Variants in SDHB observed in about 807,000 individuals in gnomAD.
SDHB encodes the protein succinate dehydrogenase complex iron sulfur subunit B.
In SDHB, 21 loss-of-function variants were observed where a neutral mutation model predicts 39.7. The observed-to-expected ratio is 0.53, with a 90% CI of 0.37 to 0.76. SDHB has a LOEUF of 0.76. Among genes scored for constraint, SDHB ranks in the 30% least tolerant of loss-of-function variants. SDHB has a pLI of 0.00. For synonymous variants in SDHB, 118 were observed against 117.0 expected (o/e 1.01, Z -0.06); for missense variants, 343 against 350.9 (o/e 0.98, Z 0.18).
At position 17,046,017 on chromosome 1, in the gene SDHB, GA is replaced by G. The variant is rs2078108822; in HGVS notation, c.73-1130del. Among the ~76,000 whole-genome samples the G allele has an allele frequency of 2.0e-5, 3 of 152,144 alleles. No individual in the cohort carries two copies. The South Asian group carries it at 6.2e-4, about 31-fold the overall frequency. The stretch of plus-strand genomic sequence containing the variant: ...TTTTGTTCAACATGCTAAAAACCTT[GA>G]CGACTTGTGGTCAAGACCGTCTACC... On this transcript the variant is annotated intron_variant, in intron 1 of 7. Transcript: ENST00000375499.
chr1:17,023,851 C>A (rs1394613871), intron 6 of SDHB, 122 bp downstream of exon 6: 1 of 744,600 alleles, frequency 1.3e-6, no homozygotes, highest in Admixed American at 2.0e-5. Context: ...CCTGTTTGGA[C>A]TGGATGGCAA....
At chr1:17,023,370 T>C (rs1311604463) in intron 6 of SDHB, among the ~76,000 whole-genome samples, 2 of 152,230 alleles carry the variant, frequency 1.3e-5, no homozygotes, top group African/African-American at 4.8e-5. Context: ...ATATTGCTCA[T>C]GTGGTCACAC....
chr1:17,038,095 T>C (rs757183531), intron 2 of SDHB, among the ~76,000 whole-genome samples: 4 of 151,594 alleles, frequency 2.6e-5, no homozygotes, highest in Non-Finnish European at 4.4e-5. Flanking sequence ...GCCAAGATTG[T>C]GCCATTGCAC....
intron 7 of SDHB, among the ~76,000 whole-genome samples, chr1:17,022,393 A>G (rs1331177264): frequency 6.6e-6 from 1 of 152,194 alleles, no homozygotes; most frequent in South Asian, 2.1e-4. Flanking sequence ...TAGCCTACAA[A>G]TAAAGCCTGC....
In SDHB at chr1:17,027,878, G is replaced by GGAAGAAGAA. The variant is rs34261028; in HGVS notation, c.424-22_424-14dup. 2.2e-5 allele frequency: 30 copies of GGAAGAAGAA among 1,378,042 alleles called. No homozygotes were observed. Among genetic ancestry groups the GGAAGAAGAA allele is most frequent in the African/African-American group, 2.1e-4 (15 of 70,290 alleles). The allele number at this position is 1,378,042 out of a possible 1,614,324, so 85.4% of individuals were successfully genotyped here. Reference sequence around the variant, plus strand: ...AGTTGCTCAAATCCTGTGGTTAAGAGGAAGAAGAAGAAGAAGAAGAAGAAA... The same window carrying GGAAGAAGAA: ...AGTTGCTCAAATCCTGTGGTTAAGAGGAAGAAGAAGAAGAAGAAGAAGAAGAAGAAGAAA... On this transcript the variant is annotated splice_polypyrimidine_tract_variant and intron_variant, in intron 4 of 7. Coordinates refer to ENST00000375499, the MANE Select transcript of SDHB (RefSeq NM_003000.3).
At chr1:17,046,559 T>A (rs2078111205) in intron 1 of SDHB, among the ~76,000 whole-genome samples, 1 of 152,152 alleles carries the variant, frequency 6.6e-6, no homozygotes, top group Non-Finnish European at 1.5e-5. Context: ...ACTGATCAGC[T>A]ATCATCACGA....
intron 1 of SDHB, among the ~76,000 whole-genome samples, chr1:17,047,696 A>AG (rs1487343747): frequency 1.4e-4 from 21 of 151,410 alleles, no homozygotes; most frequent in East Asian, 3.9e-4. Context: ...AAAAAAAAAA[A>AG]AGAGAGAGAG....
intron 1 of SDHB, among the ~76,000 whole-genome samples, chr1:17,046,207 A>G (rs2078109612): frequency 6.6e-6 from 1 of 152,222 alleles, no homozygotes; most frequent in Admixed American, 6.5e-5. Context: ...ACAAAAGGAA[A>G]GCCATTTCTA....
At chr1:17,024,689 T>C (rs565000173) in intron 5 of SDHB, among the ~76,000 whole-genome samples, 28 of 152,332 alleles carry the variant, frequency 1.8e-4, no homozygotes, top group Admixed American at 5.9e-4. Context: ...CGTGCCACTA[T>C]AGGCAGCAGA....
At chr1:17,037,405 GA>G (rs2101533716) in intron 2 of SDHB, among the ~76,000 whole-genome samples, 1 of 151,056 alleles carries the variant, frequency 6.6e-6, no homozygotes, top group East Asian at 2.0e-4. Context: ...GGGTTCAAGT[GA>G]TCCTCCCACC....
intron 2 of SDHB, among the ~76,000 whole-genome samples, chr1:17,043,291 A>G (rs556301188): frequency 2.0e-5 from 3 of 151,928 alleles, no homozygotes; most frequent in Non-Finnish European, 4.4e-5. Context: ...GTTTAGTTTT[A>G]TTGTATTTCG....
chr1:17,027,593 G>T (rs953891055), intron 5 of SDHB, 156 bp downstream of exon 5: 4 of 688,230 alleles, frequency 5.8e-6, no homozygotes, highest in Non-Finnish European at 1.1e-5. Flanking sequence ...CTACTCACCC[G>T]GCCCTAAGAG....
chr1:17,044,962 C>T, intron 1 of SDHB, 74 bp from the exon 2 acceptor site: 2 of 1,323,816 alleles, frequency 1.5e-6, no homozygotes, highest in South Asian at 1.2e-5. Flanking sequence ...GCTGGCACAA[C>T]AGATGTAACG....
intron 5 of SDHB, among the ~76,000 whole-genome samples, chr1:17,025,769 C>CA (rs1474245269): frequency 6.6e-6 from 1 of 151,928 alleles, no homozygotes; most frequent in Non-Finnish European, 1.5e-5. Context: ...TTAAGGAAGC[C>CA]AAAAAATGTT....
At chr1:17,051,631 C>T (rs1359300989) in intron 1 of SDHB, among the ~76,000 whole-genome samples, 1 of 147,156 alleles carries the variant, frequency 6.8e-6, no homozygotes, top group Non-Finnish European at 1.5e-5. Context: ...ATTAGCTTTT[C>T]GGATTCTATT....
intron 5 of SDHB, 62 bp downstream of exon 5, chr1:17,027,687 C>A: frequency 9.6e-7 from 1 of 1,039,204 alleles, no homozygotes; most frequent in Non-Finnish European, 1.5e-6. Flanking sequence ...CCAAGCCACA[C>A]TCCTGGCAAT....
Position 17,024,041 on chromosome 1 carries a change from A to G in SDHB, c.574T>C (p.Cys192Arg), listed in dbSNP as rs786202732. The change falls in exon 6 of 8, where the codon TGT (cysteine) becomes CGT (arginine). Residue 192 changes from cysteine to arginine, a missense_variant. By Grantham distance (180) the Cys-to-Arg change is radical (BLOSUM62 -3). Transcript: ENST00000375499. Reference protein sequence around the residue: ...GLYECILCACCSTSCPSYWWN... With the variant: ...GLYECILCACRSTSCPSYWWN... Reference sequence around the variant, plus strand: ...CAGTAGCTGGGGCAGCTGGTGCTACAGCAGGCACAGAGAATGCACTCGTAG... The same window carrying G: ...CAGTAGCTGGGGCAGCTGGTGCTACGGCAGGCACAGAGAATGCACTCGTAG... 2 of 1,614,028 alleles carry G rather than the reference A, an allele frequency of 1.2e-6. No homozygotes were observed. Among genetic ancestry groups the G allele is most frequent in the Non-Finnish European group, 1.7e-6 (2 of 1,180,026 alleles).
At chr1:17,025,434 G>A (rs1261008853) in intron 5 of SDHB, among the ~76,000 whole-genome samples, 2 of 149,874 alleles carry the variant, frequency 1.3e-5, no homozygotes, top group Admixed American at 1.3e-4. Flanking sequence ...TTTTGAGACA[G>A]GGTCTTGCTG....
intron 1 of SDHB, among the ~76,000 whole-genome samples, chr1:17,047,429 C>G (rs2078118179): frequency 6.6e-6 from 1 of 151,422 alleles, no homozygotes; most frequent in African/African-American, 2.4e-5. Context: ...GTAATCCCAG[C>G]ACTTTGGGAG....
Sources: gnomAD v4.1 joint callset for allele counts (sites outside exome capture counted in the v4.1 genomes callset) on GRCh38, gnomAD v4.1.1 for gene constraint, MANE v1.5 for transcripts, NCBI Gene and HGNC (gene_info 2026-07-23, HGNC 2026-07-21) for gene names.